GLB1: variants seen among roughly 807,000 people sequenced by gnomAD.
GLB1 encodes the protein beta-galactosidase.
A neutral mutation model predicts 74.0 loss-of-function variants in GLB1; 56 were observed. The ratio of observed to expected loss-of-function variants is 0.76; its 90% CI spans 0.61 to 0.94. GLB1 has a LOEUF of 0.94. Among genes scored for constraint, GLB1 ranks in the 40% least tolerant of loss-of-function variants. The pLI, the probability that GLB1 is intolerant of heterozygous loss-of-function variation, is 0.00. For missense variants in GLB1, 787 were observed against 845.5 expected, an observed-to-expected ratio of 0.93 and a Z score of 0.86; for synonymous variants, 323 against 323.6, an observed-to-expected ratio of 1.00 and a Z score of 0.02.
At chr3:33,019,630 CT>C (rs1697386376) in intron 12 of GLB1, among the ~76,000 whole-genome samples, 1 of 152,188 alleles carries the variant, frequency 6.6e-6, no homozygotes, top group Admixed American at 6.5e-5. Flanking sequence ...CCACACAAAC[CT>C]TCTAGCGCAA....
intron 1 of GLB1, among the ~76,000 whole-genome samples, chr3:33,082,112 C>A (rs1700343447): frequency 6.6e-6 from 1 of 152,220 alleles, no homozygotes; most frequent in African/African-American, 2.4e-5. Context: ...AAGGCCACCA[C>A]CTTCTGAGGA....
chr3:33,087,726 G>T (rs578182876), intron 1 of GLB1, among the ~76,000 whole-genome samples: 1 of 151,956 alleles, frequency 6.6e-6, no homozygotes, highest in African/African-American at 2.4e-5. Flanking sequence ...TATTACAAAA[G>T]TTGAAGAGGA....
chr3:33,018,285 C>CAAAAAAAAAAAAAAAAAAAA (rs57833238), intron 13 of GLB1, among the ~76,000 whole-genome samples, 163 bp downstream of exon 13: 3 of 41,970 alleles, frequency 7.1e-5, no homozygotes, highest in Non-Finnish European at 7.5e-5. Context: ...AACCCTGTCT[C>CAAAAAAAAAAAAAAAAAAAA]AAAAAAAAAA....
intron 15 of GLB1, among the ~76,000 whole-genome samples, chr3:33,002,880 A>G (rs1433139127): frequency 1.3e-5 from 2 of 152,210 alleles, no homozygotes; most frequent in African/African-American, 2.4e-5. Context: ...CCAAGGTTAA[A>G]GGCTCTCACA....
At chr3:33,021,522 T>C in intron 12 of GLB1, 44 bp downstream of exon 12, 1 of 1,598,128 alleles carries the variant, frequency 6.3e-7, no homozygotes, top group African/African-American at 1.3e-5. Context: ...AAAGCACACT[T>C]TTGCAAGTAG....
chr3:33,058,041 G>A, intron 6 of GLB1, 48 bp downstream of exon 6: 1 of 1,610,470 alleles, frequency 6.2e-7, no homozygotes, highest in Non-Finnish European at 8.5e-7. Context: ...AACTGACTGA[G>A]TAAAAAGCTG....
At chr3:33,070,620 G>A (rs900053023) in intron 2 of GLB1, among the ~76,000 whole-genome samples, 2 of 152,188 alleles carry the variant, frequency 1.3e-5, no homozygotes, top group African/African-American at 2.4e-5. Flanking sequence ...AAAGCAGTAG[G>A]ATCGCTTGAG....
In GLB1 at chr3:33,097,063, A is replaced by T; in HGVS notation, c.23T>A (p.Ile8Asn). 7 of 1,612,592 alleles carry T rather than the reference A, an allele frequency of 4.3e-6. No homozygotes were observed. The highest frequency in any genetic ancestry group is 5.9e-6 in the Non-Finnish European group (7 of 1,179,100). Residue 8 changes from isoleucine to asparagine, a missense_variant, in exon 1 of 16, where the codon ATC (isoleucine) becomes AAC (asparagine). Physicochemically the swap from Ile to Asn is moderately radical, Grantham distance 149 (BLOSUM62 -3). Coordinates refer to ENST00000307363, the MANE Select transcript of GLB1 (RefSeq NM_000404.4). Reference protein sequence around the residue: MPGFLVRILPLLLVLLLL... With the variant: MPGFLVRNLPLLLVLLLL... ...CAGCAGAACCAGCAACAGAGGGAGGATGCGAACCAGGAACCCCGGCATGAC... is the reference window on the plus strand; with the variant it reads ...CAGCAGAACCAGCAACAGAGGGAGGTTGCGAACCAGGAACCCCGGCATGAC...
intron 1 of GLB1, among the ~76,000 whole-genome samples, chr3:33,085,108 T>C (rs898552568): frequency 6.6e-6 from 1 of 151,712 alleles, no homozygotes; most frequent in African/African-American, 2.4e-5. Flanking sequence ...CCCATCCCTA[T>C]AAAAAATAAA....
At chr3:32,973,392 G>A in the GLB1 span, among the ~76,000 whole-genome samples, 3 of 151,826 alleles carry the variant, frequency 2.0e-5, no homozygotes, top group African/African-American at 7.3e-5. Context: ...GGTGTGCAGT[G>A]GTGCAATCTT....
At chr3:33,083,048 CAGCTTCCTTTG>C in intron 1 of GLB1, among the ~76,000 whole-genome samples, 2 of 152,236 alleles carry the variant, frequency 1.3e-5, no homozygotes, top group South Asian at 4.1e-4. Flanking sequence ...AAAAAAGACC[CAGCTTCCTTTG>C]AGCTTCCTCT....
intron 13 of GLB1, 61 bp downstream of exon 13, chr3:33,018,387 T>A (rs1697327982): frequency 6.7e-7 from 1 of 1,493,506 alleles, no homozygotes; most frequent in African/African-American, 1.5e-5. Flanking sequence ...TGTTAACAAG[T>A]GCAGGCTGCT....
chr3:33,024,439 C>G, intron 10 of GLB1, 114 bp from the exon 11 acceptor site: 1 of 1,189,742 alleles, frequency 8.4e-7, no homozygotes, highest in East Asian at 2.6e-5. Context: ...AGTGCCACTG[C>G]TTTTTTGGAA....
intron 1 of GLB1, chr3:33,094,438 T>C: frequency 2.8e-6 from 3 of 1,086,800 alleles, no homozygotes; most frequent in Non-Finnish European, 3.6e-6. Context: ...TTGCTAGCTA[T>C]ACTTTATTAT....
rs543188475 is a variant in GLB1 at position 33,086,719 on chromosome 3, C to T, written c.75+10292G>A. ...TGAACATGTTAAATGACACCAAAAT[C>T]TAAAATGTATAAAATTTTAAGACAT... is the stretch of plus-strand genomic sequence containing the variant. On this transcript the variant is annotated intron_variant, in intron 1 of 15. Coordinates refer to ENST00000307363, the MANE Select transcript of GLB1 (RefSeq NM_000404.4). 4.6e-5 allele frequency among the ~76,000 whole-genome samples: 7 copies of T among 152,142 alleles called. No homozygotes were observed. In the East Asian group the frequency reaches 1.2e-3, roughly 25 times the overall value.
chr3:33,090,363 TA>T (rs1462671030), intron 1 of GLB1: 3 of 979,886 alleles, frequency 3.1e-6, no homozygotes, highest in Non-Finnish European at 3.6e-6. Context: ...GAGGTACATG[TA>T]CGAAAAGTTT....
At chr3:32,996,360 G>A (rs371202497), downstream of GLB1, among the ~76,000 whole-genome samples, 4 of 152,070 alleles carry the variant, frequency 2.6e-5, no homozygotes, top group East Asian at 1.9e-4. Flanking sequence ...CACACAAAAC[G>A]GGATCCAATT....
chr3:33,069,043 T>C, intron 2 of GLB1, 73 bp from the exon 3 acceptor site: 1 of 1,612,014 alleles, frequency 6.2e-7, no homozygotes, highest in Non-Finnish European at 8.5e-7. Context: ...GGAAAGGGCC[T>C]CATTAGGACT....
At chr3:33,010,004 T>C (rs1444861867) in intron 15 of GLB1, among the ~76,000 whole-genome samples, 4 of 152,260 alleles carry the variant, frequency 2.6e-5, no homozygotes, top group African/African-American at 9.6e-5. Context: ...TGTCAGGTGA[T>C]AGACATCTGA....
Sources: allele counts gnomAD v4.1 joint callset (sites outside exome capture counted in the v4.1 genomes callset), GRCh38; gene constraint gnomAD v4.1.1; transcripts MANE v1.5; gene names NCBI Gene and HGNC (gene_info 2026-07-23, HGNC 2026-07-21).